ERC2: variants seen among roughly 807,000 people sequenced by gnomAD.
ERC2 encodes the protein ELKS/RAB6-interacting/CAST family member 2, also known as ERC protein 2.
Under a neutral mutation model 114.8 loss-of-function variants are expected in ERC2, and 42 were observed. The observed-to-expected ratio is 0.37, with a 90% CI of 0.29 to 0.47. The LOEUF (loss-of-function observed/expected upper bound fraction) is 0.47. ERC2 is among the 20% of genes least tolerant of loss of function. The pLI is 0.99. For missense variants in ERC2, 939 were observed against 1,150.7 expected (o/e 0.82, Z 2.66); for synonymous variants, 454 against 425.5 (o/e 1.07, Z -0.82).
intron 2 of ERC2, among the ~76,000 whole-genome samples, chr3:56,378,121 C>T (rs1239384784): frequency 1.3e-5 from 2 of 151,426 alleles, no homozygotes; most frequent in East Asian, 1.9e-4. Flanking sequence ...CACATGCACA[C>T]GTATGTTTAT....
intron 13 of ERC2, among the ~76,000 whole-genome samples, chr3:55,914,937 A>G (rs1457127641): frequency 6.6e-6 from 1 of 152,206 alleles, no homozygotes; most frequent in Non-Finnish European, 1.5e-5. Flanking sequence ...TATAAAAAGC[A>G]AACAATTAAG....
At chr3:56,422,277 C>G (rs2061416053) in intron 2 of ERC2, among the ~76,000 whole-genome samples, 1 of 152,178 alleles carries the variant, frequency 6.6e-6, no homozygotes, top group Non-Finnish European at 1.5e-5. Flanking sequence ...TGAAACTCTG[C>G]TCTTGTAGAT....
chr3:55,805,592 T>C (rs565853279), intron 14 of ERC2, among the ~76,000 whole-genome samples: 1 of 152,000 alleles, frequency 6.6e-6, no homozygotes, highest in African/African-American at 2.4e-5. Flanking sequence ...GCATTGCATT[T>C]CACAGGAAAA....
At chr3:55,955,647 G>A (rs2067901990) in intron 12 of ERC2, among the ~76,000 whole-genome samples, 1 of 152,162 alleles carries the variant, frequency 6.6e-6, no homozygotes, top group Non-Finnish European at 1.5e-5. Flanking sequence ...CTTGTTAATG[G>A]ATATTTGGGC....
At chr3:56,025,412 G>T (rs1034552735) in intron 7 of ERC2, among the ~76,000 whole-genome samples, 10 of 152,208 alleles carry the variant, frequency 6.6e-5, no homozygotes, top group African/African-American at 2.4e-4. Flanking sequence ...GTTTGGCTAA[G>T]TTCCCATCTT....
At chr3:55,813,637 T>C (rs556261294) in intron 14 of ERC2, among the ~76,000 whole-genome samples, 11 of 152,346 alleles carry the variant, frequency 7.2e-5, no homozygotes, top group South Asian at 2.1e-4. Context: ...CAGCTTTCTA[T>C]GCTAGCCTTC....
intron 17 of ERC2, among the ~76,000 whole-genome samples, chr3:55,640,588 T>A (rs1301972876): frequency 6.6e-6 from 1 of 152,118 alleles, no homozygotes; most frequent in Non-Finnish European, 1.5e-5. Context: ...ACTGAACCAG[T>A]CCATGATAAG....
chr3:55,562,464 T>A (rs796103771), intron 17 of ERC2, among the ~76,000 whole-genome samples: 9 of 152,320 alleles, frequency 5.9e-5, no homozygotes, highest in African/African-American at 1.7e-4. Flanking sequence ...GCTGCCTTCT[T>A]TTTTAATTAA....
chr3:55,895,915 G>A (rs1030378665), intron 13 of ERC2, among the ~76,000 whole-genome samples: 5 of 152,138 alleles, frequency 3.3e-5, no homozygotes, highest in African/African-American at 9.7e-5. Context: ...GGGATGAGGG[G>A]GCTCAGTTAC....
intron 16 of ERC2, among the ~76,000 whole-genome samples, chr3:55,696,263 A>G (rs2062923594): frequency 1.3e-5 from 2 of 152,314 alleles, no homozygotes; most frequent in African/African-American, 4.8e-5. Flanking sequence ...ATATTTCTCC[A>G]TTTTCATGTG....
intron 6 of ERC2, among the ~76,000 whole-genome samples, chr3:56,083,059 A>AAAGTG (rs2077319829): frequency 6.6e-6 from 1 of 152,208 alleles, no homozygotes; most frequent in African/African-American, 2.4e-5. Flanking sequence ...GGGACTGCTG[A>AAAGTG]TATAGAAAGT....
rs907309993 is a variant in ERC2 at position 55,858,442 on chromosome 3, C to T, written c.2564+29947G>A. Among the ~76,000 whole-genome samples, 5 of 152,240 alleles carry T rather than the reference C, an allele frequency of 3.3e-5. No individual in the cohort carries two copies. In the South Asian group the frequency reaches 6.2e-4, roughly 19 times the overall value. On this transcript the variant is annotated intron_variant, in intron 14 of 17. Transcript: ENST00000288221. ...AAACACTACTGATAGTAAGCTGCCA[C>T]GAGGCAATGTGTGATCTACATGACT...
chr3:56,087,138 C>T (rs936112733), intron 6 of ERC2, among the ~76,000 whole-genome samples: 1 of 151,636 alleles, frequency 6.6e-6, no homozygotes. Context: ...CTAGGACAAT[C>T]TTTCCATTTT....
chr3:56,044,464 G>A (rs1259719723), intron 7 of ERC2, among the ~76,000 whole-genome samples: 1 of 151,766 alleles, frequency 6.6e-6, no homozygotes, highest in Non-Finnish European at 1.5e-5. Context: ...CCTATGGAGG[G>A]AATAAAATGA....
At chr3:55,692,925 G>A (rs1033356725) in intron 16 of ERC2, among the ~76,000 whole-genome samples, 1 of 152,190 alleles carries the variant, frequency 6.6e-6, no homozygotes, top group Non-Finnish European at 1.5e-5. Flanking sequence ...GGGTTCTTTA[G>A]TAACCAAGAA....
At chr3:56,031,194 C>G (rs1188947056) in intron 7 of ERC2, among the ~76,000 whole-genome samples, 2 of 152,214 alleles carry the variant, frequency 1.3e-5, no homozygotes, top group African/African-American at 4.8e-5. Context: ...GCCTGTCCCC[C>G]ATGGATACAA....
intron 7 of ERC2, among the ~76,000 whole-genome samples, chr3:56,080,161 GC>G (rs965062502): frequency 7.9e-5 from 12 of 152,116 alleles, no homozygotes; most frequent in Admixed American, 6.5e-4. Flanking sequence ...ATACTCAATG[GC>G]CCCACTAAAA....
chr3:56,396,503 T>G (rs2060311170), intron 2 of ERC2, among the ~76,000 whole-genome samples: 1 of 152,062 alleles, frequency 6.6e-6, no homozygotes, highest in Non-Finnish European at 1.5e-5. Context: ...CATAGAAAGG[T>G]GGCCAAGATG....
At chr3:56,057,041 G>C (rs369573348) in intron 7 of ERC2, among the ~76,000 whole-genome samples, 7 of 152,134 alleles carry the variant, frequency 4.6e-5, no homozygotes, top group African/African-American at 1.7e-4. Flanking sequence ...TTAACCTCAG[G>C]TCTTTTCTTC....
Sources: allele counts gnomAD v4.1 joint callset (sites outside exome capture counted in the v4.1 genomes callset), GRCh38; gene constraint gnomAD v4.1.1; transcripts MANE v1.5; gene names NCBI Gene and HGNC (gene_info 2026-07-23, HGNC 2026-07-21).